The following TCF12 variants were observed in gnomAD, a reference collection of about 807,000 sequenced individuals.
TCF12 encodes DNA-binding protein HTF4.
TCF12 carries 45 observed loss-of-function variants against 86.0 expected under a neutral mutation model. The observed-to-expected ratio is 0.52, with a 90% confidence interval of 0.41 to 0.67. TCF12 has a LOEUF of 0.67. Among genes scored for constraint, TCF12 ranks in the 30% least tolerant of loss-of-function variants. The pLI is 0.00. For missense variants in TCF12, 881 were observed against 859.9 expected, an observed-to-expected ratio of 1.02 and a Z score of -0.31; for synonymous variants, 330 against 299.6, an observed-to-expected ratio of 1.10 and a Z score of -1.05.
chr15:56,923,587 A>G (rs553990973), intron 3 of TCF12, among the ~76,000 whole-genome samples: 63 of 152,256 alleles, frequency 4.1e-4, no homozygotes, highest in Non-Finnish European at 6.8e-4. Context: ...AGGGCAGTGT[A>G]TAGAAACAAA....
At chr15:57,113,015 C>T (rs1193148918) in intron 5 of TCF12, among the ~76,000 whole-genome samples, 1 of 152,160 alleles carries the variant, frequency 6.6e-6, no homozygotes, top group Admixed American at 6.5e-5. Context: ...CGTGGATCTC[C>T]TGCACATCAT....
chr15:57,219,945 C>T lies in TCF12; in HGVS notation c.580-11207C>T, dbSNP rs565914662. On this transcript the variant is annotated intron_variant, in intron 8 of 20. Transcript: ENST00000333725. ...TTTATCATGTTGGCCAGGCTGGTCT[C>T]GAACTCCTGACCTCAGGTGATCCAC... Among the ~76,000 whole-genome samples the T allele has an allele frequency of 1.6e-4, 24 of 151,988 alleles. No homozygotes were observed. The South Asian group carries it at 3.9e-3, about 25-fold the overall frequency.
rs574283477 is a variant in TCF12, at chr15:57,251,570, G to A, written c.1188+147G>A. 18 of 750,360 alleles carry A rather than the reference G, an allele frequency of 2.4e-5. No homozygotes were observed. In the African/African-American group the frequency reaches 3.0e-4, roughly 12 times the overall value. The allele number at this position is 750,360 out of a possible 1,614,324, so 46.5% of individuals were successfully genotyped here. On this transcript the variant is annotated intron_variant, in intron 14 of 20. Transcript: ENST00000333725. Reference sequence around the variant, plus strand: ...TGGCTGATTCATTTGAACAATATAAGACACATTGGGTATGCCTTTTGCCAT... The same window carrying A: ...TGGCTGATTCATTTGAACAATATAAAACACATTGGGTATGCCTTTTGCCAT...
At chr15:57,278,070 G>A (rs780223723) in intron 19 of TCF12, among the ~76,000 whole-genome samples, 1 of 151,750 alleles carries the variant, frequency 6.6e-6, no homozygotes, top group African/African-American at 2.4e-5. Context: ...TAGCACAAAC[G>A]ATCCTCCCAC....
Position 57,063,819 on chromosome 15 carries a change from C to T in TCF12, c.218C>T (p.Ser73Phe). The T allele has an allele frequency of 1.9e-6, 3 of 1,589,436 alleles. No individual in the cohort carries two copies. In the South Asian group the frequency reaches 3.4e-5, roughly 18 times the overall value. The part of the protein sequence containing the change: ...SGQPSPSYDS[S>F]RGFTDSPHYS... ...CAACCAAGTCCTTCCTATGATTCAT[C>T]TAGAGTAAGTTTGCTGATCAACCCT... The change falls in exon 4 of 21, where the codon TCT (serine) becomes TTT (phenylalanine). Residue 73 changes from serine (S) to phenylalanine (F), a missense_variant. Ser to Phe is a radical substitution (Grantham distance 155, BLOSUM62 -2). Transcript: ENST00000333725.
At chr15:56,997,920 A>C (rs10438332) in intron 3 of TCF12, among the ~76,000 whole-genome samples, 27,523 of 152,212 alleles carry the variant, frequency 0.18, 2,983 homozygotes, top group Non-Finnish European at 0.24. Context: ...GGCTATATTA[A>C]TAACAAAGCA....
Position 56,919,766 on chromosome 15 carries a change from CG to C in TCF12, c.-22-122del, listed in dbSNP as rs1326440815. The C allele has an allele frequency of 5.3e-6, 4 of 748,342 alleles. No individual in the cohort carries two copies. In the African/African-American group the frequency reaches 7.2e-5, roughly 14 times the overall value. The allele number at this position is 748,342 out of a possible 1,614,324, so 46.4% of individuals were successfully genotyped here. A position where few individuals can be genotyped will look rare whatever the true frequency, so the allele number is the denominator to read the frequency against. ...TGCTCGCGCCGCGGTGGGAGCGAGT[CG>C]GGGTCCTGGAAGTCATCCCGGCGCC... On this transcript the variant is annotated intron_variant, in intron 1 of 20. Transcript: ENST00000333725.
chr15:57,172,438 A>T (rs74854408), intron 6 of TCF12, among the ~76,000 whole-genome samples: 85 of 152,338 alleles, frequency 5.6e-4, no homozygotes, highest in Non-Finnish European at 1.1e-3. Flanking sequence ...AAGAACATAA[A>T]TTCCTTTCAG....
chr15:56,943,513 A>C (rs1167308949), intron 3 of TCF12, among the ~76,000 whole-genome samples: 21 of 152,226 alleles, frequency 1.4e-4, no homozygotes. Context: ...TATATGAATT[A>C]TTTAACATAC....
intron 5 of TCF12, among the ~76,000 whole-genome samples, chr15:57,154,341 G>C (rs967738522): frequency 3.3e-5 from 5 of 151,958 alleles, no homozygotes; most frequent in South Asian, 2.1e-4. Context: ...TCTTTCCCCC[G>C]TGAGCTTCAA....
At chr15:57,261,293 A>T (rs553127485) in intron 16 of TCF12, among the ~76,000 whole-genome samples, 1 of 152,216 alleles carries the variant, frequency 6.6e-6, no homozygotes, top group Non-Finnish European at 1.5e-5. Context: ...GAACGAATCT[A>T]TTCTAATTAG....
chr15:57,101,490 G>A (rs773259498), intron 5 of TCF12, among the ~76,000 whole-genome samples: 4 of 152,194 alleles, frequency 2.6e-5, no homozygotes, highest in African/African-American at 2.4e-5. Context: ...GATTACAAGC[G>A]TGAGCCACCA....
intron 3 of TCF12, among the ~76,000 whole-genome samples, chr15:57,027,670 C>T (rs1406487914): frequency 6.6e-6 from 1 of 152,060 alleles, no homozygotes; most frequent in Non-Finnish European, 1.5e-5. Flanking sequence ...TTTACAGTCC[C>T]ACATTGATAT....
intron 3 of TCF12, among the ~76,000 whole-genome samples, chr15:57,055,579 C>T (rs1216295313): frequency 3.9e-5 from 6 of 152,000 alleles, no homozygotes; most frequent in Non-Finnish European, 7.4e-5. Context: ...AATTATTCTC[C>T]CACATCCCCC....
chr15:57,227,188 T>A (rs1597450656), intron 8 of TCF12, among the ~76,000 whole-genome samples: 1 of 152,144 alleles, frequency 6.6e-6, no homozygotes, highest in South Asian at 2.1e-4. Context: ...TGTGACTAGA[T>A]AAAAAGAAAA....
Position 57,224,080 on chromosome 15 carries a change from A to C in TCF12, c.580-7072A>C, listed in dbSNP as rs139158283. ...TTCTTATCTTGATTCAAGTGAGTAC[A>C]AATACTAGTGAGTTAAAACTAGCTC... On this transcript the variant is annotated intron_variant, in intron 8 of 20. Transcript: ENST00000333725. 3.9e-3 allele frequency among the ~76,000 whole-genome samples: 599 copies of C among 152,194 alleles called. 2 individuals carry two copies. Among genetic ancestry groups the C allele is most frequent in the African/African-American group, 0.014 (580 of 41,546 alleles).
intron 4 of TCF12, among the ~76,000 whole-genome samples, chr15:57,066,686 A>G (rs1163433843): frequency 6.6e-6 from 1 of 152,202 alleles, no homozygotes; most frequent in Non-Finnish European, 1.5e-5. Context: ...TAAACTTAAC[A>G]TGAATTGAAC....
At position 57,004,241 on chromosome 15, in the gene TCF12, T is replaced by C. The variant is rs4774904; in HGVS notation, c.149-59509T>C. Reference sequence around the variant, plus strand: ...CATTTGTTCATTTCTTTCTTTCTTTTTTTTTTTTTGAGATGGAGTTTTGCT... The same window carrying C: ...CATTTGTTCATTTCTTTCTTTCTTTCTTTTTTTTTGAGATGGAGTTTTGCT... On this transcript the variant is annotated intron_variant, in intron 3 of 20. Transcript: ENST00000333725. Among the ~76,000 whole-genome samples, 688 of 151,952 alleles carry C rather than the reference T, an allele frequency of 4.5e-3. 7 individuals carry two copies. Among genetic ancestry groups the C allele is most frequent in the Admixed American group, 0.022 (330 of 15,276 alleles).
chr15:56,997,167 T>C (rs2063760291), intron 3 of TCF12, among the ~76,000 whole-genome samples: 1 of 152,144 alleles, frequency 6.6e-6, no homozygotes, highest in Non-Finnish European at 1.5e-5. Context: ...AAAAGACACA[T>C]ATACCCGTAT....
Sources: gnomAD v4.1 joint callset for allele counts (sites outside exome capture counted in the v4.1 genomes callset) on GRCh38, gnomAD v4.1.1 for gene constraint, MANE v1.5 for transcripts, NCBI Gene and HGNC (gene_info 2026-07-23, HGNC 2026-07-21) for gene names.